AKAP6: variants seen among roughly 807,000 people sequenced by gnomAD.
AKAP6 encodes A-kinase anchoring protein 6, also known as A-kinase anchor protein 6.
In AKAP6, 58 loss-of-function variants were observed where a neutral mutation model predicts 188.5. The observed-to-expected ratio is 0.31, with a 90% CI of 0.25 to 0.38. AKAP6 has a LOEUF of 0.38. Among genes scored for constraint, AKAP6 ranks in the 10% least tolerant of loss-of-function variants. The pLI is 1.00. For missense variants in AKAP6, 2,710 were observed against 2,740.0 expected (o/e 0.99, Z 0.24); for synonymous variants, 989 against 998.6 (o/e 0.99, Z 0.18).
chr14:32,746,160 C>T (rs2064648699), intron 11 of AKAP6, among the ~76,000 whole-genome samples: 4 of 152,072 alleles, frequency 2.6e-5, no homozygotes, highest in African/African-American at 9.7e-5. Context: ...TTACTCTACC[C>T]CTCTGTAGCC....
chr14:32,601,225 A>G (rs1318571124), intron 7 of AKAP6, among the ~76,000 whole-genome samples: 1 of 152,204 alleles, frequency 6.6e-6, no homozygotes, highest in Non-Finnish European at 1.5e-5. Context: ...AGAGAAAGTG[A>G]TTCATTATCT....
At chr14:32,765,394 T>C (rs991649768) in intron 11 of AKAP6, among the ~76,000 whole-genome samples, 2 of 152,210 alleles carry the variant, frequency 1.3e-5, no homozygotes, top group African/African-American at 4.8e-5. Context: ...AACACCACAA[T>C]AGATTACAGT....
chr14:32,610,183 A>G (rs1328374693), intron 7 of AKAP6, among the ~76,000 whole-genome samples: 2 of 152,150 alleles, frequency 1.3e-5, no homozygotes, highest in Non-Finnish European at 2.9e-5. Context: ...AAAAAAACTT[A>G]GGTTCCAAAC....
In AKAP6 at chr14:32,333,317, C is replaced by G. The variant is rs551517781; in HGVS notation, c.-35+3909C>G. Among the ~76,000 whole-genome samples, 3 of 152,128 alleles carry G rather than the reference C, an allele frequency of 2.0e-5. 1 individual carries two copies. The South Asian group carries it at 6.2e-4, about 32-fold the overall frequency. On this transcript the variant is annotated intron_variant, in intron 1 of 13. Coordinates refer to ENST00000280979, the MANE Select transcript of AKAP6 (RefSeq NM_004274.5). ...TTCTTCTATTTATAATCCTAGAACC[C>G]ATGAATGGCAGTTTGTTTTGATCGC...
At chr14:32,501,383 C>T (rs374201821) in intron 2 of AKAP6, among the ~76,000 whole-genome samples, 77 of 152,154 alleles carry the variant, frequency 5.1e-4, no homozygotes, top group East Asian at 1.2e-3. Context: ...TCAGAATCCT[C>T]GATCTTCAGA....
chr14:32,575,268 G>C (rs1308652156), intron 4 of AKAP6, among the ~76,000 whole-genome samples: 1 of 152,142 alleles, frequency 6.6e-6, no homozygotes, highest in Admixed American at 6.5e-5. Context: ...GAATGATCTT[G>C]CATGGATTCT....
At chr14:32,361,324 T>C (rs1165957678) in intron 1 of AKAP6, among the ~76,000 whole-genome samples, 1 of 152,034 alleles carries the variant, frequency 6.6e-6, no homozygotes, top group Admixed American at 6.6e-5. Flanking sequence ...TATGCTTGTA[T>C]GTATGTTTGA....
intron 11 of AKAP6, among the ~76,000 whole-genome samples, chr14:32,757,187 G>A (rs909266302): frequency 6.6e-6 from 1 of 152,168 alleles, no homozygotes; most frequent in Admixed American, 6.5e-5. Context: ...TTGTCTCTGT[G>A]CTACCCCCAA....
chr14:32,739,955 T>TC (rs2031601507), intron 11 of AKAP6, among the ~76,000 whole-genome samples: 1 of 152,206 alleles, frequency 6.6e-6, no homozygotes, highest in Non-Finnish European at 1.5e-5. Context: ...TTCAAACTGT[T>TC]CCCCATAGTG....
At chr14:32,803,016 T>C (rs2033991276) in intron 12 of AKAP6, among the ~76,000 whole-genome samples, 1 of 152,192 alleles carries the variant, frequency 6.6e-6, no homozygotes, top group Non-Finnish European at 1.5e-5. Context: ...GTGAATTGCT[T>C]GAACTCGGGA....
At chr14:32,669,055 T>G (rs542413525) in intron 7 of AKAP6, among the ~76,000 whole-genome samples, 62 of 152,306 alleles carry the variant, frequency 4.1e-4, no homozygotes, top group Middle Eastern at 6.8e-3. Flanking sequence ...TACCCTTGAA[T>G]GAATATTTGA....
chr14:32,402,069 T>C (rs1448918247), intron 1 of AKAP6: 1 of 152,214 alleles, frequency 6.6e-6, no homozygotes, highest in Non-Finnish European at 1.5e-5. Context: ...GCTTATGGGA[T>C]TGCTAATGAG....
In AKAP6 at chr14:32,529,330, G is replaced by T. The variant is rs544173606; in HGVS notation, c.325-6224G>T. On this transcript the variant is annotated intron_variant, in intron 2 of 13. Coordinates refer to ENST00000280979, the MANE Select transcript of AKAP6 (RefSeq NM_004274.5). ...GTATATTAACCTCATATTCTGCAAC[G>T]TTGCTATGATTGCTTATTAGTCCCA... Among the ~76,000 whole-genome samples the T allele has an allele frequency of 8.5e-5, 13 of 152,220 alleles. No homozygotes were observed. The South Asian group carries it at 2.7e-3, about 32-fold the overall frequency.
intron 1 of AKAP6, among the ~76,000 whole-genome samples, chr14:32,388,375 T>G (rs1183464000): frequency 6.6e-6 from 1 of 152,124 alleles, no homozygotes. Flanking sequence ...TCTGCTCTGA[T>G]CTTGGTTATT....
intron 6 of AKAP6, among the ~76,000 whole-genome samples, chr14:32,600,084 A>G: frequency 6.6e-6 from 1 of 152,236 alleles, no homozygotes; most frequent in East Asian, 1.9e-4. Flanking sequence ...TATCCTGATA[A>G]TAGAAGACTG....
chr14:32,821,985 G>A lies in AKAP6; in HGVS notation c.4172G>A (p.Ser1391Asn), dbSNP rs751264200. Reference sequence around the variant, plus strand: ...CTCAATGCAGTGGATGGGTCCCCAAGTAACCTTGAAACTGAACATCTGGAC... The same window carrying A: ...CTCAATGCAGTGGATGGGTCCCCAAATAACCTTGAAACTGAACATCTGGAC... Reference protein sequence around the residue: ...CLLNAVDGSPSNLETEHLDPQ... With the variant: ...CLLNAVDGSPNNLETEHLDPQ... Residue 1391 changes from serine (S) to asparagine (N), a missense_variant, in exon 13 of 14, where the codon AGT (serine) becomes AAT (asparagine). Transcript: ENST00000280979. 1 of 1,613,942 alleles carries A rather than the reference G, an allele frequency of 6.2e-7. No homozygotes were observed. Among genetic ancestry groups the A allele is most frequent in the Non-Finnish European group, 8.5e-7 (1 of 1,179,934 alleles).
At chr14:32,467,276 T>C (rs1878519497) in intron 2 of AKAP6, among the ~76,000 whole-genome samples, 1 of 152,018 alleles carries the variant, frequency 6.6e-6, no homozygotes, top group Non-Finnish European at 1.5e-5. Flanking sequence ...AAATATTATT[T>C]AAACAGAATG....
chr14:32,434,034 G>T (rs539014575), intron 2 of AKAP6: 2 of 525,202 alleles, frequency 3.8e-6, no homozygotes, highest in East Asian at 6.1e-5. Context: ...GGCCTTTGGT[G>T]ATAGTGCAGA....
chr14:32,684,159 G>A (rs1382125974), intron 8 of AKAP6, among the ~76,000 whole-genome samples: 1 of 151,368 alleles, frequency 6.6e-6, no homozygotes, highest in Non-Finnish European at 1.5e-5. Context: ...GCTCAGAAAT[G>A]TTTTGGCTTC....
Sources: allele counts gnomAD v4.1 joint callset (sites outside exome capture counted in the v4.1 genomes callset), GRCh38; gene constraint gnomAD v4.1.1; transcripts MANE v1.5; gene names NCBI Gene and HGNC (gene_info 2026-07-23, HGNC 2026-07-21).